The following OR13J1 variants were observed in gnomAD, a reference collection of about 807,000 sequenced individuals.
The protein encoded by OR13J1 is olfactory receptor 13J1.
OR13J1 carries 6 observed loss-of-function variants against 6.4 expected under a neutral mutation model. The ratio of observed to expected loss-of-function variants is 0.93; its 90% CI spans 0.51 to 1.84. The LOEUF (loss-of-function observed/expected upper bound fraction) is 1.84. OR13J1 is among the 40% of genes most tolerant of loss of function. The pLI is 0.01. For synonymous variants in OR13J1, 175 were observed against 182.4 expected (o/e 0.96, Z 0.33); for missense variants, 382 against 395.6 (o/e 0.97, Z 0.29).
rs1293893786 is a variant in OR13J1, at chr9:35,870,207, G to A, written c.195C>T (p.Asn65=). Residue 65 remains asparagine, a synonymous_variant, in exon 1 of 1, where the codon AAC becomes AAT. Coordinates refer to ENST00000377981, the MANE Select transcript of OR13J1 (RefSeq NM_001004487.1). The part of the protein sequence containing the change: ...LHTPVYFFLG[N]LSTLDICYTP... ...TGTAGCAGATGTCCAGGGTAGAGAGGTTGCCCAGGAAGAAGTACACGGGCG... is the reference window on the plus strand; with the variant it reads ...TGTAGCAGATGTCCAGGGTAGAGAGATTGCCCAGGAAGAAGTACACGGGCG... 3 of 1,614,152 alleles carry A rather than the reference G, an allele frequency of 1.9e-6. No homozygotes were observed. In the Admixed American group the frequency reaches 5.0e-5, roughly 27 times the overall value.
At position 35,869,703 on chromosome 9, in the gene OR13J1, C is replaced by T. The variant is rs920454679; in HGVS notation, c.699G>A (p.Arg233=). 3.7e-6 allele frequency: 6 copies of T among 1,613,704 alleles called. No individual in the cohort carries two copies. Among genetic ancestry groups the T allele is most frequent in the African/African-American group, 2.7e-5 (2 of 75,036 alleles). The change falls in exon 1 of 1, where the codon AGG becomes AGA. Residue 233 remains arginine (R), a synonymous_variant. Coordinates refer to ENST00000377981, the MANE Select transcript of OR13J1 (RefSeq NM_001004487.1). The part of the protein sequence containing the change: ...ATILRVPSAA[R]CCKAFSTCLA... ...AGCAGGTGGAGAAGGCTTTGCAGCA[C>T]CTGGCGGCCGAGGGCACCCTCAGGA...
rs1224926070 is a variant in OR13J1, at chr9:35,869,918, T to A, written c.484A>T (p.Ile162Phe). The A allele has an allele frequency of 2.5e-6, 4 of 1,614,212 alleles. No homozygotes were observed. In the South Asian group the frequency reaches 4.4e-5, roughly 18 times the overall value. The change falls in exon 1 of 1, where the codon ATC becomes TTC. Residue 162 changes from isoleucine (I) to phenylalanine (F), a missense_variant. Coordinates refer to ENST00000377981, the MANE Select transcript of OR13J1 (RefSeq NM_001004487.1). ...CCACAGAAGGGCAGCCTCATGGAGA[T>A]GACCATCTCAGTCACCGACTTGAGG... ...CLLKSVTEMV[I>F]SMRLPFCGHH...
chr9:35,869,666 C>G lies in OR13J1; in HGVS notation c.736G>C (p.Ala246Pro). The change falls in exon 1 of 1, where the codon GCT (alanine) becomes CCT (proline). Residue 246 changes from alanine (A) to proline (P), a missense_variant. By Grantham distance (27) the Ala-to-Pro change is conservative. Transcript: ENST00000377981. Reference sequence around the variant, plus strand: ...GTGCCGTAGAAAAGCAGCACTACAGCCAGGTGTGCCAAGCAGGTGGAGAAG... The same window carrying G: ...GTGCCGTAGAAAAGCAGCACTACAGGCAGGTGTGCCAAGCAGGTGGAGAAG... ...KAFSTCLAHLAVVLLFYGTII... is the reference protein window; with the variant it reads ...KAFSTCLAHLPVVLLFYGTII... The G allele has an allele frequency of 6.2e-7, 1 of 1,613,904 alleles. No individual in the cohort carries two copies. Among genetic ancestry groups the G allele is most frequent in the Non-Finnish European group, 8.5e-7 (1 of 1,180,000 alleles).
chr9:35,869,727 G>A lies in OR13J1; in HGVS notation c.675C>T (p.Ile225=). ...CLSYLLILAT[I]LRVPSAARCC... ...ACCTGGCGGCCGAGGGCACCCTCAG[G>A]ATGGTGGCCAGGATGAGCAAGTAGG... Residue 225 remains isoleucine (I), a synonymous_variant, in exon 1 of 1, where the codon ATC becomes ATT. Coordinates refer to ENST00000377981, the MANE Select transcript of OR13J1 (RefSeq NM_001004487.1). 6.2e-7 allele frequency: 1 copy of A among 1,613,500 alleles called. No homozygotes were observed. The highest frequency in any genetic ancestry group is 8.5e-7 in the Non-Finnish European group (1 of 1,180,022).
At position 35,870,372 on chromosome 9, in the gene OR13J1, G is replaced by A. The variant is rs148247298; in HGVS notation, c.30C>T (p.Ser10=). Reference sequence around the variant, plus strand: ...CAGAAAATCCTTTCAGAAAGAACTCGGACACCTCTGTTCTGTTGAGCGGCT... The same window carrying A: ...CAGAAAATCCTTTCAGAAAGAACTCAGACACCTCTGTTCTGTTGAGCGGCT... The part of the protein sequence containing the change: MEPLNRTEV[S]EFFLKGFSGY... The change falls in exon 1 of 1, where the codon TCC becomes TCT. Residue 10 remains serine, a synonymous_variant. Transcript: ENST00000377981. 1.4e-5 allele frequency: 22 copies of A among 1,607,080 alleles called. No individual in the cohort carries two copies. The highest frequency in any genetic ancestry group is 9.4e-5 in the African/African-American group (7 of 74,796).
chr9:35,870,221 A>C lies in OR13J1; in HGVS notation c.181T>G (p.Phe61Val). Residue 61 changes from phenylalanine (F) to valine (V), a missense_variant, in exon 1 of 1, where the codon TTC (phenylalanine) becomes GTC (valine). Transcript: ENST00000377981. ...AGGGTAGAGAGGTTGCCCAGGAAGA[A>C]GTACACGGGCGTGTGCAGGTGGATA... The part of the protein sequence containing the change: ...LDIHLHTPVY[F>V]FLGNLSTLDI... 3 of 1,614,116 alleles carry C rather than the reference A, an allele frequency of 1.9e-6. No homozygotes were observed. The highest frequency in any genetic ancestry group is 2.5e-6 in the Non-Finnish European group (3 of 1,179,960).
Position 35,869,919 on chromosome 9 carries a change from G to GA in OR13J1, c.482dup (p.Ile162HisfsTer104). 1 of 1,614,214 alleles carries GA rather than the reference G, an allele frequency of 6.2e-7. No homozygotes were observed. Among genetic ancestry groups the GA allele is most frequent in the South Asian group, 1.1e-5 (1 of 91,070 alleles). On this transcript the variant is annotated frameshift_variant, in exon 1 of 1. Transcript: ENST00000377981. LOFTEE classifies it high-confidence loss of function. ...CACAGAAGGGCAGCCTCATGGAGAT[G>GA]ACCATCTCAGTCACCGACTTGAGGA...
rs779671968 is a variant in OR13J1 at position 35,870,102 on chromosome 9, C to T, written c.300G>A (p.Gln100=). The T allele has an allele frequency of 6.2e-7, 1 of 1,614,226 alleles. No individual in the cohort carries two copies. Among genetic ancestry groups the T allele is most frequent in the Non-Finnish European group, 8.5e-7 (1 of 1,180,052 alleles). Residue 100 remains glutamine (Q), a synonymous_variant, in exon 1 of 1, where the codon CAG becomes CAA. Coordinates refer to ENST00000377981, the MANE Select transcript of OR13J1 (RefSeq NM_001004487.1). ...AGCCCGTGGACAGGCTCAGACACAT[C>T]TGGATGGCACAGACAGCAAAGGAGA... ...KTISFAVCAI[Q]MCLSLSTGST...
chr9:35,870,106 A>T lies in OR13J1; in HGVS notation c.296T>A (p.Ile99Asn). 1 of 1,614,260 alleles carries T rather than the reference A, an allele frequency of 6.2e-7. No individual in the cohort carries two copies. Among genetic ancestry groups the T allele is most frequent in the Non-Finnish European group, 8.5e-7 (1 of 1,180,056 alleles). Residue 99 changes from isoleucine (I) to asparagine (N), a missense_variant, in exon 1 of 1, where the codon ATC becomes AAC. Transcript: ENST00000377981. ...RKTISFAVCA[I>N]QMCLSLSTGS... ...CGTGGACAGGCTCAGACACATCTGGATGGCACAGACAGCAAAGGAGATGGT... is the reference window on the plus strand; with the variant it reads ...CGTGGACAGGCTCAGACACATCTGGTTGGCACAGACAGCAAAGGAGATGGT...
rs1436655891 is a variant in OR13J1 at position 35,869,888 on chromosome 9, G to C, written c.514C>G (p.His172Asp). ...TTGCAGGTGAAGTGACTGACCACGTGGTGGCCACAGAAGGGCAGCCTCATG... is the reference window on the plus strand; with the variant it reads ...TTGCAGGTGAAGTGACTGACCACGTCGTGGCCACAGAAGGGCAGCCTCATG... The part of the protein sequence containing the change: ...ISMRLPFCGH[H>D]VVSHFTCKIL... The change falls in exon 1 of 1, where the codon CAC (histidine) becomes GAC (aspartate). Residue 172 changes from histidine to aspartate, a missense_variant. His to Asp is a moderately conservative substitution (Grantham distance 81). Coordinates refer to ENST00000377981, the MANE Select transcript of OR13J1 (RefSeq NM_001004487.1). 3.1e-6 allele frequency: 5 copies of C among 1,614,192 alleles called. No homozygotes were observed. The highest frequency in any genetic ancestry group is 4.2e-6 in the Non-Finnish European group (5 of 1,180,042).
chr9:35,870,307 G>A lies in OR13J1; in HGVS notation c.95C>T (p.Ser32Leu). Residue 32 changes from serine to leucine, a missense_variant, in exon 1 of 1, where the codon TCA becomes TTA. Coordinates refer to ENST00000377981, the MANE Select transcript of OR13J1 (RefSeq NM_001004487.1). Reference protein sequence around the residue: ...ALEHLLFPLCSAMYLVTLLGN... With the variant: ...ALEHLLFPLCLAMYLVTLLGN... ...CAGGAGGGTCACCAGGTACATGGCT[G>A]AGCACAGAGGGAAGAGCAGATGCTC... 1 of 1,614,108 alleles carries A rather than the reference G, an allele frequency of 6.2e-7. No homozygotes were observed. Among genetic ancestry groups the A allele is most frequent in the Non-Finnish European group, 8.5e-7 (1 of 1,179,934 alleles).
In OR13J1 at chr9:35,870,315, AG is replaced by A; in HGVS notation, c.86del (p.Pro29LeufsTer9). On this transcript the variant is annotated frameshift_variant, in exon 1 of 1. Transcript: ENST00000377981. LOFTEE classifies it high-confidence loss of function. ...TCACCAGGTACATGGCTGAGCACAG[AG>A]GGAAGAGCAGATGCTCCAGGGCTGG... Reference protein sequence around the residue: ...GYPALEHLLFPLCSAMYLVTL... With the variant: ...GYPALEHLLFXLCSAMYLVTL... 1.2e-6 allele frequency: 2 copies of A among 1,613,896 alleles called. No individual in the cohort carries two copies. Among genetic ancestry groups the A allele is most frequent in the Non-Finnish European group, 1.7e-6 (2 of 1,179,770 alleles).
Position 35,870,147 on chromosome 9 carries a change from G to C in OR13J1, c.255C>G (p.Leu85=), listed in dbSNP as rs759494405. 1 of 1,614,268 alleles carries C rather than the reference G, an allele frequency of 6.2e-7. No homozygotes were observed. Among genetic ancestry groups the C allele is most frequent in the South Asian group, 1.1e-5 (1 of 91,086 alleles). Residue 85 remains leucine (L), a synonymous_variant, in exon 1 of 1, where the codon CTC becomes CTG. Coordinates refer to ENST00000377981, the MANE Select transcript of OR13J1 (RefSeq NM_001004487.1). ...PTFVPLMLVH[L]LSSRKTISFA... is the part of the protein sequence containing the mutation. ...AGGAGATGGTCTTCCGGGATGACAG[G>C]AGGTGGACCAGCATCAGAGGCACAA...
In OR13J1 at chr9:35,869,843, G is replaced by A; in HGVS notation, c.559C>T (p.Leu187=). 2 of 1,614,160 alleles carry A rather than the reference G, an allele frequency of 1.2e-6. No homozygotes were observed. The highest frequency in any genetic ancestry group is 1.7e-6 in the Non-Finnish European group (2 of 1,180,042). Residue 187 remains leucine (L), a synonymous_variant, in exon 1 of 1, where the codon CTG becomes TTG. Transcript: ENST00000377981. The stretch of plus-strand genomic sequence containing the variant: ...CTGACCGACGTGTTGCCGCATGCCA[G>A]CTTCAGCACTGCCAGGATCTTGCAG... ...FTCKILAVLK[L]ACGNTSVSED...
Position 35,870,339 on chromosome 9 carries a change from T to C in OR13J1, c.63A>G (p.Pro21=). Residue 21 remains proline, a synonymous_variant, in exon 1 of 1, where the codon CCA becomes CCG. Coordinates refer to ENST00000377981, the MANE Select transcript of OR13J1 (RefSeq NM_001004487.1). ...GAGGGAAGAGCAGATGCTCCAGGGC[T>C]GGGTAGCCAGAAAATCCTTTCAGAA... The part of the protein sequence containing the change: ...EFFLKGFSGY[P]ALEHLLFPLC... The C allele has an allele frequency of 5.0e-6, 8 of 1,611,412 alleles. No homozygotes were observed. The highest frequency in any genetic ancestry group is 6.8e-6 in the Non-Finnish European group (8 of 1,177,816).
In OR13J1 at chr9:35,869,777, C is replaced by T. The variant is rs1202781498; in HGVS notation, c.625G>A (p.Val209Ile). The T allele has an allele frequency of 3.1e-6, 5 of 1,613,762 alleles. No individual in the cohort carries two copies. Among genetic ancestry groups the T allele is most frequent in the East Asian group, 4.5e-5 (2 of 44,898 alleles). The change falls in exon 1 of 1, where the codon GTA becomes ATA. Residue 209 changes from valine to isoleucine, a missense_variant. Physicochemically the swap from Val to Ile is conservative, Grantham distance 29. Transcript: ENST00000377981. ...GACAGGCAGATGAATGCCAGGGGTA[C>T]AGGCAGCAGCAGGATGGAGCCCGCC... ...LLAGSILLLP[V>I]PLAFICLSYL...
At position 35,869,568 on chromosome 9, in the gene OR13J1, A is replaced by C; in HGVS notation, c.834T>G (p.Tyr278Ter). 6.2e-7 allele frequency: 1 copy of C among 1,614,096 alleles called. No individual in the cohort carries two copies. Residue 278 changes from tyrosine (Y) to a stop codon, truncating the protein, a stop_gained, in exon 1 of 1, where the codon TAT becomes TAG. Coordinates refer to ENST00000377981, the MANE Select transcript of OR13J1 (RefSeq NM_001004487.1). LOFTEE classifies it high-confidence loss of function. ...HISDEVFTVL[Y>*]AMVTTMLNPT... The stretch of plus-strand genomic sequence containing the variant: ...GGTTCAGCATGGTCGTGACCATGGC[A>C]TAGAGGACTGTGAAGACCTCATCAG...
rs143783247 is a variant in OR13J1 at position 35,870,156 on chromosome 9, C to G, written c.246G>C (p.Leu82=). The change falls in exon 1 of 1, where the codon CTG becomes CTC. Residue 82 remains leucine, a synonymous_variant. Coordinates refer to ENST00000377981, the MANE Select transcript of OR13J1 (RefSeq NM_001004487.1). The stretch of plus-strand genomic sequence containing the variant: ...TCTTCCGGGATGACAGGAGGTGGAC[C>G]AGCATCAGAGGCACAAAGGTGGGCG... The part of the protein sequence containing the change: ...CYTPTFVPLM[L]VHLLSSRKTI... 1.2e-6 allele frequency: 2 copies of G among 1,614,064 alleles called. No homozygotes were observed. The highest frequency in any genetic ancestry group is 2.7e-5 in the African/African-American group (2 of 74,920).
Position 35,870,271 on chromosome 9 carries a change from G to T in OR13J1, c.131C>A (p.Ala44Asp), listed in dbSNP as rs747014840. 8.7e-6 allele frequency: 14 copies of T among 1,614,058 alleles called. No individual in the cohort carries two copies. In the South Asian group the frequency reaches 1.4e-4, roughly 16 times the overall value. The change falls in exon 1 of 1, where the codon GCC becomes GAC. Residue 44 changes from alanine (A) to aspartate (D), a missense_variant. Coordinates refer to ENST00000377981, the MANE Select transcript of OR13J1 (RefSeq NM_001004487.1). ...ATCTAGCACGCTCACCGCCATGATGGCTGTGTTCCCCAGGAGGGTCACCAG... is the reference window on the plus strand; with the variant it reads ...ATCTAGCACGCTCACCGCCATGATGTCTGTGTTCCCCAGGAGGGTCACCAG... ...MYLVTLLGNT[A>D]IMAVSVLDIH...
Sources: gnomAD v4.1 joint callset for allele counts on GRCh38, gnomAD v4.1.1 for gene constraint, MANE v1.5 for transcripts, NCBI Gene and HGNC (gene_info 2026-07-23, HGNC 2026-07-21) for gene names.